Variants in CTNND2 observed in about 807,000 individuals in gnomAD.
The protein encoded by CTNND2 is catenin delta 2.
In CTNND2, 22 loss-of-function variants were observed where a neutral mutation model predicts 144.4. That is an observed-to-expected ratio of 0.15 (90% CI 0.11 to 0.22). CTNND2 has a LOEUF of 0.22. CTNND2 is among the 10% of genes least tolerant of loss of function. The probability of loss-of-function intolerance (pLI) is 1.00; values close to 1 mark genes in which losing one functional copy is unlikely to be tolerated. For synonymous variants in CTNND2, 751 were observed against 695.6 expected (o/e 1.08, Z -1.25); for missense variants, 1,353 against 1,618.8 (o/e 0.84, Z 2.82).
In CTNND2 at chr5:11,683,136, C is replaced by T. The variant is rs578123932; in HGVS notation, c.174+49000G>A. ...TTTATCGTGCACTTCTGGGGTTTAT[C>T]CATCTAACTAGTTTCTAACGCATTT... On this transcript the variant is annotated intron_variant, in intron 2 of 21. Coordinates refer to ENST00000304623, the MANE Select transcript of CTNND2 (RefSeq NM_001332.4). Among the ~76,000 whole-genome samples, 19 of 152,250 alleles carry T rather than the reference C, an allele frequency of 1.2e-4. No homozygotes were observed. The South Asian group carries it at 2.5e-3, about 20-fold the overall frequency.
intron 3 of CTNND2, among the ~76,000 whole-genome samples, chr5:11,527,680 T>C (rs1435840272): frequency 6.6e-6 from 1 of 152,244 alleles, no homozygotes; most frequent in Admixed American, 6.5e-5. Context: ...GGTCATAGCA[T>C]GACACTCCTC....
Position 11,207,734 on chromosome 5 carries a change from C to A in CTNND2, c.1762-8073G>T, listed in dbSNP as rs1738200440. On this transcript the variant is annotated intron_variant, in intron 10 of 21. Coordinates refer to ENST00000304623, the MANE Select transcript of CTNND2 (RefSeq NM_001332.4). Reference sequence around the variant, plus strand: ...AGCTTTGTAAGTCCTTGCTTCACAGCTAACTGAGCAGACTATTTGAACTTG... The same window carrying A: ...AGCTTTGTAAGTCCTTGCTTCACAGATAACTGAGCAGACTATTTGAACTTG... 2.6e-5 allele frequency among the ~76,000 whole-genome samples: 4 copies of A among 152,188 alleles called. No individual in the cohort carries two copies. The South Asian group carries it at 6.2e-4, about 24-fold the overall frequency.
chr5:11,854,090 C>T (rs1582008836), intron 1 of CTNND2, among the ~76,000 whole-genome samples: 7 of 152,316 alleles, frequency 4.6e-5, no homozygotes, highest in Admixed American at 2.6e-4. Context: ...ATTCTCCTTC[C>T]AGCCACACCG....
At chr5:11,609,778 C>G (rs1178098448) in intron 2 of CTNND2, among the ~76,000 whole-genome samples, 1 of 152,118 alleles carries the variant, frequency 6.6e-6, no homozygotes, top group East Asian at 1.9e-4. Flanking sequence ...TTTGAAGCCA[C>G]CTGCCCCAGG....
intron 3 of CTNND2, among the ~76,000 whole-genome samples, chr5:11,533,606 C>G (rs1389575920): frequency 6.6e-6 from 1 of 152,230 alleles, no homozygotes; most frequent in Non-Finnish European, 1.5e-5. Flanking sequence ...GCCCATGAAG[C>G]TTCCTGTCCC....
At chr5:11,367,320 A>T (rs969650034) in intron 7 of CTNND2, among the ~76,000 whole-genome samples, 1 of 152,206 alleles carries the variant, frequency 6.6e-6, no homozygotes, top group Non-Finnish European at 1.5e-5. Flanking sequence ...AACAAAGGTT[A>T]AAGATGTCAC....
At chr5:11,546,388 T>C (rs1352933382) in intron 3 of CTNND2, among the ~76,000 whole-genome samples, 1 of 152,132 alleles carries the variant, frequency 6.6e-6, no homozygotes, top group Non-Finnish European at 1.5e-5. Flanking sequence ...CCCCATTTCT[T>C]ATCAGTACAA....
At chr5:11,146,313 A>G (rs906575786) in intron 12 of CTNND2, among the ~76,000 whole-genome samples, 2 of 152,146 alleles carry the variant, frequency 1.3e-5, no homozygotes, top group South Asian at 2.1e-4. Context: ...GGCTGCTCCA[A>G]TTATCTAGGG....
At chr5:11,623,592 C>T (rs956741348) in intron 2 of CTNND2, among the ~76,000 whole-genome samples, 1 of 151,536 alleles carries the variant, frequency 6.6e-6, no homozygotes, top group African/African-American at 2.4e-5. Flanking sequence ...ACACCCATCT[C>T]ACATGCAACG....
At position 11,109,731 on chromosome 5, in the gene CTNND2, T is replaced by C. The variant is rs545189911; in HGVS notation, c.2463+1127A>G. ...TTAGTGCCTTTATGAACATTATTTT[T>C]TAAAGGCCATTTGCAAAGATTACAA... On this transcript the variant is annotated intron_variant, in intron 14 of 21. Transcript: ENST00000304623. Among the ~76,000 whole-genome samples, 220 of 144,484 alleles carry C rather than the reference T, an allele frequency of 1.5e-3. 2 individuals carry two copies. The South Asian group carries it at 0.047, about 31-fold the overall frequency. 94.8% of individuals were successfully genotyped at this position (144,484 alleles called of 152,430 possible). A position where few individuals can be genotyped will look rare whatever the true frequency, so the allele number is the denominator to read the frequency against.
chr5:11,864,794 G>A (rs1180443167), intron 1 of CTNND2, among the ~76,000 whole-genome samples: 1 of 151,442 alleles, frequency 6.6e-6, no homozygotes, highest in Non-Finnish European at 1.5e-5. Context: ...TGTCCCTCAG[G>A]TGGCAAAACT....
chr5:11,466,800 T>C lies in CTNND2; in HGVS notation c.288-54731A>G, dbSNP rs1214541143. On this transcript the variant is annotated intron_variant, in intron 3 of 21. Transcript: ENST00000304623. ...CCATCTCCTGCCTTTTATCTTCCCC[T>C]CCCCCACCAAATCAGTTCCTTTTGA... Among the ~76,000 whole-genome samples the C allele has an allele frequency of 3.3e-5, 5 of 152,058 alleles. No homozygotes were observed. In the East Asian group the frequency reaches 9.7e-4, roughly 29 times the overall value.
intron 9 of CTNND2, among the ~76,000 whole-genome samples, chr5:11,262,826 T>C (rs1361627256): frequency 6.6e-6 from 1 of 150,808 alleles, no homozygotes; most frequent in East Asian, 1.9e-4. Flanking sequence ...GAAATTGTGT[T>C]CTTTGCCACA....
intron 9 of CTNND2, among the ~76,000 whole-genome samples, chr5:11,343,726 AT>A (rs1754489938): frequency 6.6e-6 from 1 of 152,316 alleles, no homozygotes; most frequent in Non-Finnish European, 1.5e-5. Context: ...TAAATATGGG[AT>A]ATCAGTTTCT....
intron 7 of CTNND2, among the ~76,000 whole-genome samples, chr5:11,381,164 A>G (rs1758445897): frequency 6.6e-6 from 1 of 152,224 alleles, no homozygotes; most frequent in South Asian, 2.1e-4. Flanking sequence ...CATAACGTCC[A>G]ATGCTTCCAT....
chr5:11,679,340 C>T (rs1262435823), intron 2 of CTNND2, among the ~76,000 whole-genome samples: 5 of 152,210 alleles, frequency 3.3e-5, no homozygotes, highest in Non-Finnish European at 7.3e-5. Context: ...AGGCCTTGTG[C>T]TAAACCCTAC....
chr5:10,990,531 C>A (rs1459189349), intron 19 of CTNND2, among the ~76,000 whole-genome samples: 1 of 152,170 alleles, frequency 6.6e-6, no homozygotes, highest in East Asian at 1.9e-4. Context: ...TCTGGGTCTT[C>A]CCTAATAAAG....
At chr5:11,224,851 C>G (rs1463467206) in intron 10 of CTNND2, among the ~76,000 whole-genome samples, 1 of 152,204 alleles carries the variant, frequency 6.6e-6, no homozygotes, top group Non-Finnish European at 1.5e-5. Context: ...TCCTTCAGAT[C>G]CAATAAGTCA....
intron 3 of CTNND2, among the ~76,000 whole-genome samples, chr5:11,446,004 C>T (rs948219987): frequency 1.3e-5 from 2 of 152,202 alleles, no homozygotes; most frequent in Non-Finnish European, 2.9e-5. Flanking sequence ...GGGACTCTCA[C>T]TCTGTCACCC....
Sources: gnomAD v4.1 joint callset for allele counts (sites outside exome capture counted in the v4.1 genomes callset) on GRCh38, gnomAD v4.1.1 for gene constraint, MANE v1.5 for transcripts, NCBI Gene and HGNC (gene_info 2026-07-23, HGNC 2026-07-21) for gene names.